Variants in DEPDC5 observed in about 807,000 individuals in gnomAD.
DEPDC5 encodes the protein DEP domain containing 5, GATOR1 subcomplex subunit, also known as GATOR1 complex protein DEPDC5.
In DEPDC5, 73 loss-of-function variants were observed where a neutral mutation model predicts 217.3. The ratio of observed to expected loss-of-function variants is 0.34; its 90% CI spans 0.28 to 0.41. The LOEUF is 0.41. Ranked by LOEUF, DEPDC5 falls within the 10% of genes least tolerant of loss-of-function variation. The pLI is 1.00. For synonymous variants in DEPDC5, 733 were observed against 756.7 expected (o/e 0.97, Z 0.51); for missense variants, 1,675 against 2,070.1 (o/e 0.81, Z 3.70).
intron 13 of DEPDC5, among the ~76,000 whole-genome samples, chr22:31,797,986 G>A (rs2086450017): frequency 6.6e-6 from 1 of 151,336 alleles, no homozygotes; most frequent in African/African-American, 2.4e-5. Context: ...CTGGAGTGGA[G>A]CAATTATACT....
At position 31,845,243 on chromosome 22, in the gene DEPDC5, G is replaced by A. The variant is rs746486340; in HGVS notation, c.3021+6G>A. The A allele has an allele frequency of 1.2e-6, 2 of 1,611,838 alleles. No homozygotes were observed. The highest frequency in any genetic ancestry group is 1.7e-6 in the Non-Finnish European group (2 of 1,179,026). ...GCTCGGATCGCATGATGCGGGTAAG[G>A]GCTCCTTAGACTCAGGGAGTGCGCC... On this transcript the variant is annotated splice_donor_region_variant and intron_variant, in intron 30 of 42. Coordinates refer to ENST00000651528, the MANE Select transcript of DEPDC5 (RefSeq NM_001242896.3).
intron 22 of DEPDC5, among the ~76,000 whole-genome samples, chr22:31,820,302 G>T (rs1285495459): frequency 6.6e-6 from 1 of 152,076 alleles, no homozygotes. Flanking sequence ...AGTAGAGACG[G>T]GGTTTCACCA....
intron 13 of DEPDC5, among the ~76,000 whole-genome samples, 186 bp from the exon 14 acceptor site, chr22:31,798,396 T>C (rs1251362045): frequency 6.6e-6 from 1 of 152,172 alleles, no homozygotes; most frequent in Non-Finnish European, 1.5e-5. Context: ...CGTGCGCCTG[T>C]AGTCCCAGCT....
chr22:31,829,581 G>A (rs1293101056), intron 24 of DEPDC5, among the ~76,000 whole-genome samples: 1 of 152,098 alleles, frequency 6.6e-6, no homozygotes, highest in Non-Finnish European at 1.5e-5. Context: ...AACCTTATCT[G>A]TGACCCTACC....
chr22:31,820,508 T>C (rs2089586450), intron 22 of DEPDC5, among the ~76,000 whole-genome samples: 1 of 152,212 alleles, frequency 6.6e-6, no homozygotes, highest in South Asian at 2.1e-4. Flanking sequence ...AAAAGTTAAA[T>C]AAGTGAGAAA....
chr22:31,798,460 G>C lies in DEPDC5; in HGVS notation c.872-122G>C. On this transcript the variant is annotated intron_variant, in intron 13 of 42. Transcript: ENST00000651528. ...TTGAACCTGGGAGGTGGAGGTTGCA[G>C]TGAGCCAAGATTGTGCTGCTCCACT... 3 of 720,018 alleles carry C rather than the reference G, an allele frequency of 4.2e-6. No homozygotes were observed. In the Admixed American group the frequency reaches 8.4e-5, roughly 20 times the overall value. The allele number at this position is 720,018 out of a possible 1,614,324, so 44.6% of individuals were successfully genotyped here.
rs573478798 is a variant in DEPDC5 at position 31,784,847 on chromosome 22, T to A, written c.596T>A (p.Phe199Tyr). ...TATTTTGAGAAAGCTGTGAATGGTTTCCTTGCTGATCTATTTACCAAGTGG... is the reference window on the plus strand; with the variant it reads ...TATTTTGAGAAAGCTGTGAATGGTTACCTTGCTGATCTATTTACCAAGTGG... ...DLYFEKAVNG[F>Y]LADLFTKWKE... The change falls in exon 10 of 43, where the codon TTC becomes TAC. Residue 199 changes from phenylalanine (F) to tyrosine (Y), a missense_variant. Physicochemically the swap from Phe to Tyr is conservative, Grantham distance 22. Coordinates refer to ENST00000651528, the MANE Select transcript of DEPDC5 (RefSeq NM_001242896.3). 2 of 1,613,524 alleles carry A rather than the reference T, an allele frequency of 1.2e-6. No homozygotes were observed. Among genetic ancestry groups the A allele is most frequent in the African/African-American group, 2.7e-5 (2 of 75,036 alleles).
At position 31,905,901 on chromosome 22, in the gene DEPDC5, G is replaced by A. The variant is rs115116027; in HGVS notation, c.4437-83G>A. The A allele has an allele frequency of 7.0e-4, 866 of 1,233,844 alleles. 6 individuals are homozygous for A. In the African/African-American group the frequency reaches 0.012, roughly 17 times the overall value. 76.4% of individuals were successfully genotyped at this position (1,233,844 alleles called of 1,614,324 possible). On this transcript the variant is annotated intron_variant, in intron 41 of 42. Transcript: ENST00000651528. ...CAGATCTCTGTGTCTCAGGCTGTCCGAGAGTCCTATCAGCTACATTCTCTT... is the reference window on the plus strand; with the variant it reads ...CAGATCTCTGTGTCTCAGGCTGTCCAAGAGTCCTATCAGCTACATTCTCTT...
rs141037353 is a variant in DEPDC5, at chr22:31,817,717, G to A, written c.1667-1305G>A. On this transcript the variant is annotated intron_variant, in intron 21 of 42. Coordinates refer to ENST00000651528, the MANE Select transcript of DEPDC5 (RefSeq NM_001242896.3). ...GCCCAGGCTGGTCTCGAACTCCTGGGCTCAAGTGATCCTTCCACCTTGGTC... is the reference window on the plus strand; with the variant it reads ...GCCCAGGCTGGTCTCGAACTCCTGGACTCAAGTGATCCTTCCACCTTGGTC... 2.4e-4 allele frequency among the ~76,000 whole-genome samples: 36 copies of A among 151,864 alleles called. No individual in the cohort carries two copies. The East Asian group carries it at 6.6e-3, about 28-fold the overall frequency.
chr22:31,881,922 G>C lies in DEPDC5; in HGVS notation c.4033+2170G>C, dbSNP rs145048346. 9.7e-3 allele frequency among the ~76,000 whole-genome samples: 1,458 copies of C among 151,074 alleles called. 27 individuals carry two copies. Among genetic ancestry groups the C allele is most frequent in the African/African-American group, 0.034 (1,402 of 41,042 alleles). On this transcript the variant is annotated intron_variant, in intron 38 of 42. Coordinates refer to ENST00000651528, the MANE Select transcript of DEPDC5 (RefSeq NM_001242896.3). ...GATGGCACCACTGCACTCCAGCCTGGGCGACTCCATCTCAAAAGTGATGGA... is the reference window on the plus strand; with the variant it reads ...GATGGCACCACTGCACTCCAGCCTGCGCGACTCCATCTCAAAAGTGATGGA...
intron 10 of DEPDC5, among the ~76,000 whole-genome samples, chr22:31,787,239 C>T (rs983973969): frequency 6.6e-6 from 1 of 151,820 alleles, no homozygotes; most frequent in Non-Finnish European, 1.5e-5. Context: ...TTTGCTACCA[C>T]ACCTAGCTAA....
chr22:31,759,951 G>C (rs1426266722), intron 3 of DEPDC5, among the ~76,000 whole-genome samples: 1 of 151,968 alleles, frequency 6.6e-6, no homozygotes, highest in Non-Finnish European at 1.5e-5. Flanking sequence ...CCAAAGTGTT[G>C]GGATTATAGG....
intron 20 of DEPDC5, among the ~76,000 whole-genome samples, chr22:31,813,127 CAT>C (rs896439248): frequency 6.6e-6 from 1 of 152,174 alleles, no homozygotes; most frequent in Non-Finnish European, 1.5e-5. Context: ...AGAGTGACCA[CAT>C]GATTGTTTTC....
At chr22:31,826,581 T>C in intron 24 of DEPDC5, 1 of 359,574 alleles carries the variant, frequency 2.8e-6, no homozygotes. Context: ...ACAATACCTC[T>C]TCTTTGAAGC....
rs565037593 is a variant in DEPDC5, at chr22:31,775,254, A to AT, written c.414-2843dup. Among the ~76,000 whole-genome samples the AT allele has an allele frequency of 2.9e-3, 442 of 151,352 alleles. 3 individuals are homozygous for AT. The highest frequency in any genetic ancestry group is 0.01 in the African/African-American group (422 of 41,184). Reference sequence around the variant, plus strand: ...GAGTGCAATGGTGCGATCTGAGCTCATTGCAACCTCTGCCTCCCAGGTTCA... The same window carrying AT: ...GAGTGCAATGGTGCGATCTGAGCTCATTTGCAACCTCTGCCTCCCAGGTTCA... On this transcript the variant is annotated intron_variant, in intron 7 of 42. Coordinates refer to ENST00000651528, the MANE Select transcript of DEPDC5 (RefSeq NM_001242896.3).
At chr22:31,846,762 G>GC (rs1423011331) in intron 30 of DEPDC5, 72 bp from the exon 31 acceptor site, 1 of 1,604,306 alleles carries the variant, frequency 6.2e-7, no homozygotes, top group East Asian at 2.2e-5. Context: ...GCTGCAGCAT[G>GC]CCCTGGGGCA....
chr22:31,797,742 G>A (rs1795112519), intron 13 of DEPDC5, 39 bp downstream of exon 13: 1 of 1,491,586 alleles, frequency 6.7e-7, no homozygotes, highest in African/African-American at 1.4e-5. Context: ...GCGGGGAAAG[G>A]AAGTGTAGGA....
At chr22:31,830,629 ACGTGTGTGTGTGTG>A (rs921093262) in intron 24 of DEPDC5, among the ~76,000 whole-genome samples, 2 of 100,772 alleles carry the variant, frequency 2.0e-5, no homozygotes, top group African/African-American at 8.7e-5. Flanking sequence ...GTATGCGTGT[ACGTGTGTGTGTGTG>A]TGTGTGTGTG....
At chr22:31,879,978 C>G (rs1227010442) in intron 38 of DEPDC5, 5 of 548,950 alleles carry the variant, frequency 9.1e-6, no homozygotes, top group African/African-American at 7.6e-5. Flanking sequence ...CCTCTCAAAT[C>G]AGAACATAGT....
Sources: gnomAD v4.1 joint callset for allele counts (sites outside exome capture counted in the v4.1 genomes callset) on GRCh38, gnomAD v4.1.1 for gene constraint, MANE v1.5 for transcripts, NCBI Gene and HGNC (gene_info 2026-07-23, HGNC 2026-07-21) for gene names.